RGS20: variants seen among roughly 807,000 people sequenced by gnomAD.
RGS20 encodes the protein regulator of G protein signaling 20, also known as gz-selective GTPase-activating protein.
Under a neutral mutation model 33.6 loss-of-function variants are expected in RGS20, and 30 were observed. That is an observed-to-expected ratio of 0.89 (90% CI 0.67 to 1.21). The LOEUF (loss-of-function observed/expected upper bound fraction) is 1.21, where lower values mean the gene tolerates loss of function less well. RGS20 is among the 50% of genes most tolerant of loss of function. RGS20 has a pLI of 0.00. For synonymous variants in RGS20, 208 were observed against 197.9 expected (o/e 1.05, Z -0.43); for missense variants, 472 against 502.4 (o/e 0.94, Z 0.58).
intron 2 of RGS20, among the ~76,000 whole-genome samples, chr8:53,937,375 A>T (rs1228043616): frequency 6.6e-6 from 1 of 152,060 alleles, no homozygotes; most frequent in African/African-American, 2.4e-5. Flanking sequence ...CTTATACAAA[A>T]GTTAAATCAA....
rs192289863 is a variant in RGS20, at chr8:53,932,478, G to A, written c.511-7098G>A. 3.3e-3 allele frequency among the ~76,000 whole-genome samples: 502 copies of A among 152,236 alleles called. 1 individual carries two copies. The highest frequency in any genetic ancestry group is 4.8e-3 in the South Asian group (23 of 4,824). The stretch of plus-strand genomic sequence containing the variant: ...ACCATTAATGAGGCTTGAGTAGGCG[G>A]TTTTCCCCTCACACAGTGTAAACAA... On this transcript the variant is annotated intron_variant, in intron 2 of 5. Transcript: ENST00000297313.
intron 1 of RGS20, among the ~76,000 whole-genome samples, chr8:53,855,782 C>T (rs1431924935): frequency 6.6e-6 from 1 of 152,170 alleles, no homozygotes; most frequent in Non-Finnish European, 1.5e-5. Context: ...AAAAAGCAAA[C>T]CTCTAAAGGC....
At position 53,908,404 on chromosome 8, in the gene RGS20, C is replaced by G. The variant is rs138614919; in HGVS notation, c.510+28802C>G. On this transcript the variant is annotated intron_variant, in intron 2 of 5. Coordinates refer to ENST00000297313, the MANE Select transcript of RGS20 (RefSeq NM_170587.4). ...CCTGGAATCCTAGCACTTTGGGAGCCCAAGCTGAGTTGATTACTTGAGCCC... is the reference window on the plus strand; with the variant it reads ...CCTGGAATCCTAGCACTTTGGGAGCGCAAGCTGAGTTGATTACTTGAGCCC... Among the ~76,000 whole-genome samples, 23 of 152,184 alleles carry G rather than the reference C, an allele frequency of 1.5e-4. No individual in the cohort carries two copies. In the East Asian group the frequency reaches 3.5e-3, roughly 23 times the overall value.
At chr8:53,854,682 A>T (rs1463027534) in intron 1 of RGS20, among the ~76,000 whole-genome samples, 1 of 152,242 alleles carries the variant, frequency 6.6e-6, no homozygotes, top group East Asian at 1.9e-4. Flanking sequence ...AATGTAAAAT[A>T]GTACAGCCAA....
chr8:53,957,196 G>A (rs933411088), intron 5 of RGS20, among the ~76,000 whole-genome samples: 2 of 152,280 alleles, frequency 1.3e-5, no homozygotes, highest in South Asian at 4.2e-4. Context: ...GCATGGTCTC[G>A]GCTCACTGCA....
chr8:53,891,473 T>C (rs1259906061), intron 2 of RGS20, among the ~76,000 whole-genome samples: 1 of 152,054 alleles, frequency 6.6e-6, no homozygotes, highest in Non-Finnish European at 1.5e-5. Flanking sequence ...GCAAAAAAAT[T>C]AGCCAGGTGT....
intron 2 of RGS20, among the ~76,000 whole-genome samples, chr8:53,909,252 T>TATAC (rs1813280337): frequency 8.4e-6 from 1 of 119,396 alleles, no homozygotes; most frequent in Non-Finnish European, 1.8e-5. Flanking sequence ...TATATATATA[T>TATAC]ATACTTTTTT....
intron 2 of RGS20, among the ~76,000 whole-genome samples, chr8:53,882,547 C>T (rs1281033924): frequency 1.3e-5 from 2 of 151,432 alleles, no homozygotes; most frequent in African/African-American, 2.4e-5. Flanking sequence ...GTGGAGAGCG[C>T]TACAGGGGAA....
chr8:53,860,458 T>A (rs895710657), intron 1 of RGS20, among the ~76,000 whole-genome samples: 1 of 152,240 alleles, frequency 6.6e-6, no homozygotes, highest in East Asian at 1.9e-4. Context: ...CTCAACACGT[T>A]TTTGTAACTG....
chr8:53,906,334 C>G (rs947557884), intron 2 of RGS20, among the ~76,000 whole-genome samples: 1 of 152,018 alleles, frequency 6.6e-6, no homozygotes, highest in Non-Finnish European at 1.5e-5. Flanking sequence ...CGAGACAGCA[C>G]CCCTGCACTC....
intron 2 of RGS20, among the ~76,000 whole-genome samples, chr8:53,918,256 C>T (rs560379540): frequency 8.5e-5 from 13 of 152,306 alleles, no homozygotes; most frequent in Admixed American, 1.3e-4. Flanking sequence ...ACCCCATCCC[C>T]TGGCAACCAC....
chr8:53,919,505 C>G (rs771791094), intron 2 of RGS20, among the ~76,000 whole-genome samples: 6 of 151,514 alleles, frequency 4.0e-5, no homozygotes, highest in Non-Finnish European at 7.4e-5. Flanking sequence ...CTAGGCTCTG[C>G]TTATTTTTGT....
In RGS20 at chr8:53,879,292, C is replaced by G; in HGVS notation, c.200C>G (p.Ala67Gly). ...CCTGCACAGCTCCCAGACTCGCCCG[C>G]CGCCCCGAAGCTGTTCGGCCTCCTT... The change falls in exon 2 of 6, where the codon GCC becomes GGC. Residue 67 changes from alanine to glycine, a missense_variant. Transcript: ENST00000297313. 6.2e-7 allele frequency: 1 copy of G among 1,613,764 alleles called. No individual in the cohort carries two copies. The highest frequency in any genetic ancestry group is 8.5e-7 in the Non-Finnish European group (1 of 1,179,974).
intron 2 of RGS20, among the ~76,000 whole-genome samples, chr8:53,937,920 T>G (rs763572843): frequency 6.6e-6 from 1 of 152,226 alleles, no homozygotes; most frequent in East Asian, 1.9e-4. Flanking sequence ...ATAGGAATGC[T>G]TTTACACTGT....
At chr8:53,946,581 C>A in intron 3 of RGS20, 84 bp from the exon 3 acceptor site, 1 of 1,098,434 alleles carries the variant, frequency 9.1e-7, no homozygotes, top group Non-Finnish European at 1.4e-6. Flanking sequence ...ACTTGGGGAT[C>A]TGAAGTTCTC....
intron 2 of RGS20, among the ~76,000 whole-genome samples, chr8:53,898,639 G>A (rs187939015): frequency 1.8e-4 from 28 of 152,332 alleles, no homozygotes; most frequent in Non-Finnish European, 4.0e-4. Context: ...AAATATGTAT[G>A]AGATTGAATA....
In RGS20 at chr8:53,934,359, A is replaced by T. The variant is rs1292660447; in HGVS notation, c.511-5217A>T. ...CCCAACAGTGTGCTGTATTTAGGAG[A>T]CCCATCTCACGTGCAGAGACACACA... On this transcript the variant is annotated intron_variant, in intron 2 of 5. Transcript: ENST00000297313. Among the ~76,000 whole-genome samples, 3 of 152,286 alleles carry T rather than the reference A, an allele frequency of 2.0e-5. No homozygotes were observed. The East Asian group carries it at 5.8e-4, about 29-fold the overall frequency.
At chr8:53,858,906 A>C (rs1162859977) in intron 1 of RGS20, among the ~76,000 whole-genome samples, 5 of 151,436 alleles carry the variant, frequency 3.3e-5, no homozygotes, top group Admixed American at 6.6e-5. Flanking sequence ...AAAAAAAAAA[A>C]AAAAAACCGC....
At chr8:53,925,073 C>G (rs2129287482) in intron 2 of RGS20, among the ~76,000 whole-genome samples, 1 of 152,316 alleles carries the variant, frequency 6.6e-6, no homozygotes, top group South Asian at 2.1e-4. Context: ...TACAGCCAAG[C>G]AGGCCCACTG....
Sources: allele counts gnomAD v4.1 joint callset (sites outside exome capture counted in the v4.1 genomes callset), GRCh38; gene constraint gnomAD v4.1.1; transcripts MANE v1.5; gene names NCBI Gene and HGNC (gene_info 2026-07-23, HGNC 2026-07-21).